The following TTBK2 variants were observed in gnomAD, a reference collection of about 807,000 sequenced individuals.
The protein encoded by TTBK2 is tau-tubulin kinase 2.
A neutral mutation model predicts 110.8 loss-of-function variants in TTBK2; 28 were observed. The ratio of observed to expected loss-of-function variants is 0.25; its 90% CI spans 0.19 to 0.35. The LOEUF (loss-of-function observed/expected upper bound fraction) is 0.35, where lower values mean the gene tolerates loss of function less well. Among genes scored for constraint, TTBK2 ranks in the 10% least tolerant of loss-of-function variants. The pLI, the probability that TTBK2 is intolerant of heterozygous loss-of-function variation, is 1.00. For synonymous variants in TTBK2, 532 were observed against 527.3 expected (o/e 1.01, Z -0.12); for missense variants, 1,369 against 1,500.3 (o/e 0.91, Z 1.45).
chr15:42,875,197 T>C (rs1019055533), intron 2 of TTBK2, among the ~76,000 whole-genome samples: 1 of 152,174 alleles, frequency 6.6e-6, no homozygotes, highest in Non-Finnish European at 1.5e-5. Context: ...TCTTAGTCTA[T>C]TTCTATTCCT....
intron 3 of TTBK2, among the ~76,000 whole-genome samples, chr15:42,841,984 C>T (rs929921466): frequency 3.9e-5 from 6 of 151,924 alleles, no homozygotes; most frequent in East Asian, 1.9e-4. Context: ...ATGGACAATA[C>T]GTGGAAGGTT....
Position 42,845,612 on chromosome 15 carries a change from C to A in TTBK2, c.218-5179G>T, listed in dbSNP as rs1016249732. On this transcript the variant is annotated intron_variant, in intron 3 of 14. Transcript: ENST00000267890. ...TCGCACAATTGCACTCCAGCCTGGG[C>A]GACAGAGCAAGGCTGCATCTCAAAA... Among the ~76,000 whole-genome samples the A allele has an allele frequency of 4.3e-5, 5 of 116,732 alleles. No homozygotes were observed. In the Middle Eastern group the frequency reaches 0.027, roughly 640 times the overall value. The allele number at this position is 116,732 out of a possible 152,430, so 76.6% of individuals were successfully genotyped here.
intron 7 of TTBK2, among the ~76,000 whole-genome samples, chr15:42,815,853 T>C (rs111716960): frequency 4.6e-4 from 58 of 125,298 alleles, no homozygotes; most frequent in East Asian, 1.5e-3. Context: ...CCAAATTCTC[T>C]CTCTCTATAT....
intron 14 of TTBK2, among the ~76,000 whole-genome samples, chr15:42,747,532 C>A (rs1284514545): frequency 5.3e-5 from 8 of 152,114 alleles, no homozygotes; most frequent in African/African-American, 1.7e-4. Context: ...TAATTAGATT[C>A]TCATAAGGAG....
intron 9 of TTBK2, among the ~76,000 whole-genome samples, chr15:42,805,972 C>G (rs1400345492): frequency 1.3e-5 from 2 of 152,256 alleles, no homozygotes; most frequent in East Asian, 1.9e-4. Context: ...TGTTAAGACA[C>G]TGATTTTTAG....
chr15:42,799,682 T>C (rs565908148), intron 9 of TTBK2, among the ~76,000 whole-genome samples: 1 of 152,186 alleles, frequency 6.6e-6, no homozygotes, highest in African/African-American at 2.4e-5. Context: ...GTGATCCTCC[T>C]GTCTCGGCCT....
chr15:42,746,698 C>T (rs1207041231), intron 14 of TTBK2, among the ~76,000 whole-genome samples: 4 of 152,072 alleles, frequency 2.6e-5, no homozygotes, highest in Admixed American at 2.6e-4. Context: ...ACACGAAATC[C>T]CACAATGTAA....
intron 9 of TTBK2, chr15:42,801,672 T>C (rs768548457): frequency 6.7e-6 from 6 of 893,390 alleles, no homozygotes; most frequent in Admixed American, 3.4e-5. Flanking sequence ...CTGTTGTCCA[T>C]GAACAGCACC....
rs373174591 is a variant in TTBK2 at position 42,763,084 on chromosome 15, T to TTATA, written c.1999-9841_1999-9838dup. 4.3e-3 allele frequency among the ~76,000 whole-genome samples: 468 copies of TTATA among 108,780 alleles called. 8 individuals are homozygous for TTATA. The highest frequency in any genetic ancestry group is 0.018 in the African/African-American group (411 of 22,584). The allele number at this position is 108,780 out of a possible 152,430, so 71.4% of individuals were successfully genotyped here. A position where few individuals can be genotyped will look rare whatever the true frequency, so the allele number is the denominator to read the frequency against. On this transcript the variant is annotated intron_variant, in intron 13 of 14. Coordinates refer to ENST00000267890, the MANE Select transcript of TTBK2 (RefSeq NM_173500.4). ...TATAGGATGATTACAGTTAACAATTTTATATATATATATATATACGTATAT... is the reference window on the plus strand; with the variant it reads ...TATAGGATGATTACAGTTAACAATTTTATATATATATATATATATATACGTATAT...
At chr15:42,833,411 T>A (rs1892852659) in intron 4 of TTBK2, among the ~76,000 whole-genome samples, 1 of 152,072 alleles carries the variant, frequency 6.6e-6, no homozygotes, top group African/African-American at 2.4e-5. Flanking sequence ...AAAAATAATA[T>A]AATGAACCTT....
At chr15:42,812,416 G>A (rs1288946094) in intron 7 of TTBK2, among the ~76,000 whole-genome samples, 14 of 152,058 alleles carry the variant, frequency 9.2e-5, no homozygotes. Flanking sequence ...TTTAGATTTG[G>A]GGGTTAAATA....
chr15:42,849,852 C>CA (rs1261808781), intron 3 of TTBK2, among the ~76,000 whole-genome samples: 2 of 152,110 alleles, frequency 1.3e-5, no homozygotes, highest in African/African-American at 2.4e-5. Flanking sequence ...CTCAGGAGTC[C>CA]AAAAGCAACT....
At chr15:42,768,565 C>G (rs1234076352) in intron 13 of TTBK2, among the ~76,000 whole-genome samples, 1 of 152,132 alleles carries the variant, frequency 6.6e-6, no homozygotes, top group Non-Finnish European at 1.5e-5. Context: ...ATATGAAGGA[C>G]CTCTTCAAGG....
intron 3 of TTBK2, among the ~76,000 whole-genome samples, chr15:42,850,934 C>T (rs967040117): frequency 6.6e-6 from 1 of 151,712 alleles, no homozygotes; most frequent in African/African-American, 2.4e-5. Context: ...CCTTAAGAAA[C>T]TGAAAATATG....
intron 4 of TTBK2, among the ~76,000 whole-genome samples, chr15:42,836,881 A>T (rs1004491657): frequency 6.6e-6 from 1 of 152,178 alleles, no homozygotes; most frequent in Non-Finnish European, 1.5e-5. Flanking sequence ...ACAAATCACA[A>T]ACCTCCTTGA....
intron 3 of TTBK2, among the ~76,000 whole-genome samples, chr15:42,869,233 G>A (rs568118694): frequency 7.2e-5 from 11 of 151,944 alleles, no homozygotes; most frequent in Non-Finnish European, 1.2e-4. Flanking sequence ...GATGACAGGC[G>A]CACGCCACCA....
chr15:42,749,474 G>T (rs749976322), intron 14 of TTBK2, among the ~76,000 whole-genome samples: 20 of 152,206 alleles, frequency 1.3e-4, no homozygotes, highest in Non-Finnish European at 2.8e-4. Flanking sequence ...CCGGCCCCAT[G>T]GCAGGCAGCT....
intron 4 of TTBK2, among the ~76,000 whole-genome samples, chr15:42,838,717 G>A (rs1049798717): frequency 6.6e-6 from 1 of 152,070 alleles, no homozygotes; most frequent in African/African-American, 2.4e-5. Flanking sequence ...TTGGGAGGCT[G>A]AGGCAGAAGA....
rs1555427627 is a variant in TTBK2, at chr15:42,815,958, A to ATATATATATATATATATAT, written c.603+1073_603+1074insATATATATATATATATATA. 4.3e-4 allele frequency among the ~76,000 whole-genome samples: 39 copies of ATATATATATATATATATAT among 91,694 alleles called. 3 individuals are homozygous for ATATATATATATATATATAT. Among genetic ancestry groups the ATATATATATATATATATAT allele is most frequent in the South Asian group, 2.8e-3 (8 of 2,902 alleles). The allele number at this position is 91,694 out of a possible 152,430, so 60.2% of individuals were successfully genotyped here. On this transcript the variant is annotated intron_variant, in intron 7 of 14. Transcript: ENST00000267890. ...TATATATATATATATTTAAAAAAAA[A>ATATATATATATATATATAT]ATATATATATATATATATATTTGAG... is the stretch of plus-strand genomic sequence containing the variant.
Sources: gnomAD v4.1 joint callset for allele counts (sites outside exome capture counted in the v4.1 genomes callset) on GRCh38, gnomAD v4.1.1 for gene constraint, MANE v1.5 for transcripts, NCBI Gene and HGNC (gene_info 2026-07-23, HGNC 2026-07-21) for gene names.